PBRM1: variants seen among roughly 807,000 people sequenced by gnomAD.
PBRM1 encodes protein polybromo-1.
A neutral mutation model predicts 194.5 loss-of-function variants in PBRM1; 27 were observed. That is an observed-to-expected ratio of 0.14 (90% CI 0.10 to 0.19). The LOEUF is 0.19. Ranked by LOEUF, PBRM1 falls within the 10% of genes least tolerant of loss-of-function variation. PBRM1 has a pLI of 1.00. For missense variants in PBRM1, 1,466 were observed against 2,077.2 expected, an observed-to-expected ratio of 0.71 and a Z score of 5.72; for synonymous variants, 655 against 693.2, an observed-to-expected ratio of 0.94 and a Z score of 0.87.
chr3:52,551,197 C>T (rs1032968259), intron 27 of PBRM1, among the ~76,000 whole-genome samples: 8 of 152,158 alleles, frequency 5.3e-5, no homozygotes, highest in South Asian at 2.1e-4. Flanking sequence ...GCAGGAATGG[C>T]ACTGGAATCA....
At chr3:52,614,570 C>T in intron 15 of PBRM1, among the ~76,000 whole-genome samples, 1 of 149,760 alleles carries the variant, frequency 6.7e-6, no homozygotes, top group Non-Finnish European at 1.5e-5. Context: ...CTTTTTCTTC[C>T]CTTTTTTTTT....
intron 22 of PBRM1, among the ~76,000 whole-genome samples, chr3:52,575,193 G>A (rs2089059097): frequency 6.6e-6 from 1 of 151,716 alleles, no homozygotes; most frequent in Non-Finnish European, 1.5e-5. Context: ...GTGAGCCACT[G>A]TGCCCAGCCA....
exon 9 of PBRM1, chr3:52,643,282 C>T: frequency 6.2e-7 from 1 of 1,613,822 alleles, no homozygotes; most frequent in South Asian, 1.1e-5. Flanking sequence ...CTCTCTTCAC[C>T]AAGGCTGCCT....
At chr3:52,602,193 A>G (rs1428184804) in intron 17 of PBRM1, among the ~76,000 whole-genome samples, 1 of 152,136 alleles carries the variant, frequency 6.6e-6, no homozygotes, top group African/African-American at 2.4e-5. Flanking sequence ...TTTTTCATCA[A>G]TTTGAGAGGT....
At chr3:52,671,101 T>C (rs2096938369) in intron 2 of PBRM1, among the ~76,000 whole-genome samples, 1 of 152,224 alleles carries the variant, frequency 6.6e-6, no homozygotes, top group Non-Finnish European at 1.5e-5. Flanking sequence ...ACTTGTACCT[T>C]GACAACTTCA....
At chr3:52,669,352 ATTTCTTAAAAT>A (rs2096903577) in intron 2 of PBRM1, among the ~76,000 whole-genome samples, 1 of 152,208 alleles carries the variant, frequency 6.6e-6, no homozygotes, top group Admixed American at 6.5e-5. Flanking sequence ...TAATGACAAA[ATTTCTTAAAAT>A]AATTAAGTAA....
In PBRM1 at chr3:52,660,009, T is replaced by G. The variant is rs1472637904; in HGVS notation, c.529-1694A>C. ...AGGAGGCTGAGGCAGAAGAATCGTT[T>G]GAACCCAAGAGGTGGAGGTTGCAGT... On this transcript the variant is annotated intron_variant, in intron 4 of 29. Coordinates refer to ENST00000296302, the Ensembl canonical transcript of PBRM1. Among the ~76,000 whole-genome samples the G allele has an allele frequency of 3.6e-4, 55 of 152,236 alleles. 1 individual carries two copies. The highest frequency in any genetic ancestry group is 3.6e-3 in the Admixed American group (55 of 15,284).
rs79505318 is a variant in PBRM1, at chr3:52,629,436, G to C, written c.1302-401C>G. On this transcript the variant is annotated intron_variant, in intron 11 of 29. Coordinates refer to ENST00000296302, the Ensembl canonical transcript of PBRM1. The stretch of plus-strand genomic sequence containing the variant: ...AGTGACCTCAATGAACAATCATGGT[G>C]ATCTACCCATTTCTGAAAATAAAAG... Among the ~76,000 whole-genome samples the C allele has an allele frequency of 4.6e-5, 7 of 152,238 alleles. No individual in the cohort carries two copies. In the East Asian group the frequency reaches 1.4e-3, roughly 29 times the overall value.
intron 1 of PBRM1, chr3:52,685,449 T>C (rs2154092393): frequency 6.6e-6 from 1 of 152,238 alleles, no homozygotes; most frequent in African/African-American, 2.4e-5. Flanking sequence ...TCACTGGTAT[T>C]GGGGACTGAG....
intron 3 of PBRM1, among the ~76,000 whole-genome samples, chr3:52,666,883 C>T (rs1457568722): frequency 2.5e-5 from 3 of 122,124 alleles, no homozygotes; most frequent in Non-Finnish European, 3.3e-5. Context: ...CAAAGGAGAT[C>T]GTGTCTCAAA....
intron 3 of PBRM1, among the ~76,000 whole-genome samples, chr3:52,666,372 G>A (rs1399978634): frequency 6.6e-6 from 1 of 151,926 alleles, no homozygotes; most frequent in African/African-American, 2.4e-5. Context: ...GCAAAACCAC[G>A]TAAAAATACA....
intron 2 of PBRM1, among the ~76,000 whole-genome samples, chr3:52,672,410 T>C (rs945707802): frequency 1.3e-5 from 2 of 152,120 alleles, no homozygotes; most frequent in Non-Finnish European, 2.9e-5. Flanking sequence ...TGTGGAAATA[T>C]TTGGGCACCA....
intron 11 of PBRM1, among the ~76,000 whole-genome samples, chr3:52,629,883 A>C (rs943511562): frequency 3.3e-5 from 5 of 152,234 alleles, no homozygotes; most frequent in African/African-American, 1.2e-4. Flanking sequence ...TTCTCTTAGA[A>C]TGGCATCTGC....
In PBRM1 at chr3:52,565,469, G is replaced by T. The variant is rs534117735; in HGVS notation, c.3692-1236C>A. Among the ~76,000 whole-genome samples, 449 of 149,562 alleles carry T rather than the reference G, an allele frequency of 3.0e-3. 1 individual carries two copies. Among genetic ancestry groups the T allele is most frequent in the Non-Finnish European group, 5.6e-3 (376 of 67,406 alleles). On this transcript the variant is annotated intron_variant, in intron 22 of 29. Coordinates refer to ENST00000296302, the Ensembl canonical transcript of PBRM1. ...GCTGCAGTGAGCCAAGAGCACCCCA[G>T]TGCACTCCAGCCTGGGCAATAGAGC...
At chr3:52,673,762 G>T (rs1333040986) in intron 2 of PBRM1, among the ~76,000 whole-genome samples, 1 of 143,410 alleles carries the variant, frequency 7.0e-6, no homozygotes, top group East Asian at 2.2e-4. Context: ...ATAATAAATA[G>T]AAAGGAGGGC....
At chr3:52,571,451 C>G (rs1197054642) in intron 22 of PBRM1, among the ~76,000 whole-genome samples, 1 of 150,008 alleles carries the variant, frequency 6.7e-6, no homozygotes, top group Admixed American at 6.7e-5. Flanking sequence ...CATGGTGAAA[C>G]CCCGTCTCTA....
chr3:52,658,954 T>C (rs1203008134), intron 4 of PBRM1, among the ~76,000 whole-genome samples: 2 of 152,244 alleles, frequency 1.3e-5, no homozygotes, highest in Non-Finnish European at 2.9e-5. Context: ...TGTCCCATAA[T>C]AGTTCATTTC....
intron 22 of PBRM1, among the ~76,000 whole-genome samples, chr3:52,575,394 T>C (rs1306952664): frequency 6.6e-6 from 1 of 151,308 alleles, no homozygotes; most frequent in Non-Finnish European, 1.5e-5. Flanking sequence ...TTATCAGGCA[T>C]GCAAAGAAAC....
chr3:52,617,425 T>C (rs2095023391), exon 14 of PBRM1: 1 of 1,614,036 alleles, frequency 6.2e-7, no homozygotes, highest in Non-Finnish European at 8.5e-7. Context: ...ATAGTCCTTT[T>C]TGGATGGTTT....
Sources: gnomAD v4.1 joint callset for allele counts (sites outside exome capture counted in the v4.1 genomes callset) on GRCh38, gnomAD v4.1.1 for gene constraint, MANE v1.5 for transcripts, NCBI Gene and HGNC (gene_info 2026-07-23, HGNC 2026-07-21) for gene names.